The following SBF2 variants were observed in gnomAD, a reference collection of about 807,000 sequenced individuals.
The protein encoded by SBF2 is SET binding factor 2.
Under a neutral mutation model 225.2 loss-of-function variants are expected in SBF2, and 112 were observed. The ratio of observed to expected loss-of-function variants is 0.50; its 90% confidence interval spans 0.43 to 0.58. The LOEUF (loss-of-function observed/expected upper bound fraction) is 0.58, where lower values mean the gene tolerates loss of function less well. Among genes scored for constraint, SBF2 ranks in the 20% least tolerant of loss-of-function variants. The probability of loss-of-function intolerance (pLI) is 0.00; values close to 1 mark genes in which losing one functional copy is unlikely to be tolerated. For missense variants in SBF2, 1,996 were observed against 2,206.2 expected (o/e 0.90, Z 1.91); for synonymous variants, 763 against 773.3 (o/e 0.99, Z 0.22).
Position 9,789,244 on chromosome 11 carries a change from T to C in SBF2, c.4797A>G (p.Leu1599=), listed in dbSNP as rs1180377344. ...STGPSYDWMM[L]TPKHFPSEDS... is the part of the protein sequence containing the mutation. ...CTTCGGAGGGGAAGTGCTTGGGGGT[T>C]AGCATCATCCAGTCATAGGAAGGGC... is the stretch of plus-strand genomic sequence containing the variant. Residue 1599 remains leucine, a synonymous_variant, in exon 35 of 40, where the codon CTA becomes CTG. Coordinates refer to ENST00000256190, the MANE Select transcript of SBF2 (RefSeq NM_030962.4). The C allele has an allele frequency of 6.2e-7, 1 of 1,614,168 alleles. No individual in the cohort carries two copies. The highest frequency in any genetic ancestry group is 8.5e-7 in the Non-Finnish European group (1 of 1,180,024).
At chr11:10,103,087 T>C (rs1028723090) in intron 2 of SBF2, among the ~76,000 whole-genome samples, 1 of 152,174 alleles carries the variant, frequency 6.6e-6, no homozygotes, top group African/African-American at 2.4e-5. Flanking sequence ...TTGGGTCTAA[T>C]ATATTGTTTG....
intron 1 of SBF2, among the ~76,000 whole-genome samples, chr11:10,278,737 C>T (rs944750040): frequency 1.3e-5 from 2 of 150,582 alleles, no homozygotes; most frequent in Admixed American, 6.6e-5. Context: ...GAGCTGAGAC[C>T]GAGCCCCATT....
chr11:9,935,683 C>T (rs1179250418), intron 16 of SBF2, among the ~76,000 whole-genome samples: 1 of 152,114 alleles, frequency 6.6e-6, no homozygotes, highest in Non-Finnish European at 1.5e-5. Flanking sequence ...CTTTGACAAA[C>T]CTGACAAAAA....
intron 13 of SBF2, 53 bp from the exon 14 acceptor site, chr11:9,968,598 A>T (rs1867120894): frequency 1.4e-6 from 2 of 1,437,702 alleles, no homozygotes. Context: ...ACAATGGCAG[A>T]TCACCAGGAA....
At chr11:10,226,400 T>C (rs975278591) in intron 1 of SBF2, among the ~76,000 whole-genome samples, 1 of 152,176 alleles carries the variant, frequency 6.6e-6, no homozygotes, top group Admixed American at 6.5e-5. Context: ...AACATATGTA[T>C]ACATGTGCCA....
At chr11:10,028,113 T>A (rs1374822110) in intron 6 of SBF2, among the ~76,000 whole-genome samples, 2 of 150,662 alleles carry the variant, frequency 1.3e-5, no homozygotes, top group Non-Finnish European at 3.0e-5. Flanking sequence ...GGGGTCTCAC[T>A]ATGTTGTCCA....
intron 16 of SBF2, among the ~76,000 whole-genome samples, chr11:9,953,051 A>G (rs180919596): frequency 1.3e-5 from 2 of 152,368 alleles, no homozygotes; most frequent in African/African-American, 4.8e-5. Context: ...AGTCATACCA[A>G]AAAGATTCCT....
At chr11:10,097,364 T>C (rs1952067908) in intron 2 of SBF2, among the ~76,000 whole-genome samples, 2 of 152,220 alleles carry the variant, frequency 1.3e-5, no homozygotes, top group Admixed American at 6.5e-5. Flanking sequence ...TATTTTGTTA[T>C]AAAAGCACAA....
intron 2 of SBF2, among the ~76,000 whole-genome samples, chr11:10,091,242 A>C (rs1178003137): frequency 6.6e-6 from 1 of 152,238 alleles, no homozygotes; most frequent in African/African-American, 2.4e-5. Context: ...ACAGATTTTA[A>C]AGGAGCTAAG....
Position 10,105,699 on chromosome 11 carries a change from C to T in SBF2, c.142-62718G>A, listed in dbSNP as rs369037624. On this transcript the variant is annotated intron_variant, in intron 2 of 39. Coordinates refer to ENST00000256190, the MANE Select transcript of SBF2 (RefSeq NM_030962.4). ...TTGCTCTCTTAGTCTTCTTTGCAGC[C>T]AGGGAAAGGCACATGACCTAACCTG... Among the ~76,000 whole-genome samples the T allele has an allele frequency of 2.6e-5, 4 of 152,184 alleles. No individual in the cohort carries two copies. The South Asian group carries it at 6.2e-4, about 24-fold the overall frequency.
At chr11:9,924,755 TATTG>T (rs1436272753) in intron 16 of SBF2, among the ~76,000 whole-genome samples, 1 of 151,436 alleles carries the variant, frequency 6.6e-6, no homozygotes, top group African/African-American at 2.4e-5. Context: ...TTTATTTATT[TATTG>T]ATTGATTGAG....
chr11:10,037,891 T>C (rs1228857350), intron 3 of SBF2, among the ~76,000 whole-genome samples: 1 of 152,054 alleles, frequency 6.6e-6, no homozygotes, highest in African/African-American at 2.4e-5. Context: ...TAAATTCCTT[T>C]TTATTACTCC....
At chr11:10,089,247 C>T (rs781110546) in intron 2 of SBF2, among the ~76,000 whole-genome samples, 2 of 152,142 alleles carry the variant, frequency 1.3e-5, no homozygotes, top group Non-Finnish European at 2.9e-5. Context: ...CACTGTATGT[C>T]CATATATACA....
intron 17 of SBF2, among the ~76,000 whole-genome samples, chr11:9,859,668 C>T (rs767599388): frequency 4.6e-5 from 7 of 152,196 alleles, no homozygotes; most frequent in Non-Finnish European, 1.0e-4. Flanking sequence ...GGTTATATAA[C>T]TGTTACACAA....
intron 2 of SBF2, among the ~76,000 whole-genome samples, chr11:10,057,057 G>A (rs1950280432): frequency 6.6e-6 from 1 of 152,208 alleles, no homozygotes; most frequent in Non-Finnish European, 1.5e-5. Context: ...AAAGCTCCCA[G>A]AGGGAGAAAC....
chr11:10,177,666 C>T (rs1956529648), intron 2 of SBF2, among the ~76,000 whole-genome samples: 1 of 151,970 alleles, frequency 6.6e-6, no homozygotes, highest in Non-Finnish European at 1.5e-5. Flanking sequence ...AGGAGAACTA[C>T]AAACCACTGC....
intron 1 of SBF2, among the ~76,000 whole-genome samples, chr11:10,255,367 TA>T (rs1960781240): frequency 6.6e-6 from 1 of 152,170 alleles, no homozygotes; most frequent in Non-Finnish European, 1.5e-5. Context: ...ATTTGTCAAT[TA>T]AAAATAAAAA....
At chr11:9,784,473 T>C in intron 37 of SBF2, 35 bp from the exon 38 acceptor site, 1 of 1,483,010 alleles carries the variant, frequency 6.7e-7, no homozygotes, top group Non-Finnish European at 9.4e-7. Flanking sequence ...TTAATTTTGA[T>C]TTACACTTAC....
intron 1 of SBF2, among the ~76,000 whole-genome samples, chr11:10,224,501 G>A (rs536830057): frequency 4.8e-4 from 73 of 152,124 alleles, no homozygotes; most frequent in African/African-American, 1.7e-3. Context: ...GTATGATCTG[G>A]CCCCTACCTC....
Sources: gnomAD v4.1 joint callset for allele counts (sites outside exome capture counted in the v4.1 genomes callset) on GRCh38, gnomAD v4.1.1 for gene constraint, MANE v1.5 for transcripts, NCBI Gene and HGNC (gene_info 2026-07-23, HGNC 2026-07-21) for gene names.